RBFOX1: variants seen among roughly 807,000 people sequenced by gnomAD.
The protein encoded by RBFOX1 is RNA binding fox-1 homolog 1.
Under a neutral mutation model 57.7 loss-of-function variants are expected in RBFOX1, and 8 were observed. The ratio of observed to expected loss-of-function variants is 0.14; its 90% confidence interval spans 0.08 to 0.25. RBFOX1 has a LOEUF of 0.25. Among genes scored for constraint, RBFOX1 ranks in the 10% least tolerant of loss-of-function variants. The pLI, the probability that RBFOX1 is intolerant of heterozygous loss-of-function variation, is 1.00. For missense variants in RBFOX1, 611 were observed against 548.5 expected, an observed-to-expected ratio of 1.11 and a Z score of -1.14; for synonymous variants, 326 against 222.4, an observed-to-expected ratio of 1.47 and a Z score of -4.15.
At chr16:7,518,451 G>A in intron 5 of RBFOX1, 62 bp downstream of exon 5, 2 of 1,538,032 alleles carry the variant, frequency 1.3e-6, no homozygotes, top group Non-Finnish European at 1.8e-6. Flanking sequence ...CCCTGGTAAT[G>A]GCAGCGGGGG....
chr16:6,002,206 G>A (rs960343631), intron 4 of RBFOX1, among the ~76,000 whole-genome samples: 2 of 152,152 alleles, frequency 1.3e-5, no homozygotes, highest in South Asian at 2.1e-4. Flanking sequence ...CAAATTCCTG[G>A]ACTCAAATGA....
At chr16:6,887,560 CTT>C (rs141623429) in intron 3 of RBFOX1, among the ~76,000 whole-genome samples, 9 of 150,558 alleles carry the variant, frequency 6.0e-5, no homozygotes, top group African/African-American at 2.0e-4. Context: ...AACACATATA[CTT>C]TTTTTTTTCC....
At chr16:5,298,314 CT>C (rs897727147) in intron 1 of RBFOX1, among the ~76,000 whole-genome samples, 14 of 152,164 alleles carry the variant, frequency 9.2e-5, no homozygotes, top group African/African-American at 2.7e-4. Context: ...TAACAAGAGA[CT>C]GTATTTAATT....
At chr16:5,449,102 G>C (rs532470650) in intron 1 of RBFOX1, among the ~76,000 whole-genome samples, 1 of 152,098 alleles carries the variant, frequency 6.6e-6, no homozygotes, top group Non-Finnish European at 1.5e-5. Context: ...CACACTTCTA[G>C]CTCTGAATCC....
chr16:7,004,971 C>G (rs552831572), intron 3 of RBFOX1, among the ~76,000 whole-genome samples: 126 of 152,082 alleles, frequency 8.3e-4, no homozygotes, highest in Non-Finnish European at 1.6e-3. Flanking sequence ...TGGTGAAACC[C>G]CATTTCTACC....
At chr16:7,053,069 C>T (rs1311972494) in intron 4 of RBFOX1, among the ~76,000 whole-genome samples, 1 of 152,226 alleles carries the variant, frequency 6.6e-6, no homozygotes, top group East Asian at 1.9e-4. Flanking sequence ...TGCCTTCATA[C>T]ACTGCCCTGT....
chr16:6,351,340 GTGTGTGTGTGTGTATATA>G (rs1344723702), intron 2 of RBFOX1, among the ~76,000 whole-genome samples: 1 of 102,006 alleles, frequency 9.8e-6, no homozygotes, highest in Non-Finnish European at 1.8e-5. Flanking sequence ...GTGTGTGTGT[GTGTGTGTGTGTGTATATA>G]TATATATATA....
At chr16:7,214,814 AT>A (rs2091762261) in intron 4 of RBFOX1, among the ~76,000 whole-genome samples, 1 of 152,120 alleles carries the variant, frequency 6.6e-6, no homozygotes, top group African/African-American at 2.4e-5. Flanking sequence ...TGTTCCTCAC[AT>A]TTAATGTCTG....
intron 1 of RBFOX1, among the ~76,000 whole-genome samples, chr16:6,085,654 G>A (rs2096073297): frequency 1.3e-5 from 2 of 151,876 alleles, no homozygotes; most frequent in South Asian, 4.2e-4. Flanking sequence ...GTGTGTTTGT[G>A]TGTGTGTGTG....
At chr16:5,914,068 C>T (rs922905657) in intron 4 of RBFOX1, among the ~76,000 whole-genome samples, 2 of 152,198 alleles carry the variant, frequency 1.3e-5, no homozygotes, top group Non-Finnish European at 2.9e-5. Flanking sequence ...CATTAACCCA[C>T]AACTTTCATG....
chr16:5,884,923 A>G (rs564363468), intron 4 of RBFOX1, among the ~76,000 whole-genome samples: 1 of 151,886 alleles, frequency 6.6e-6, no homozygotes, highest in Non-Finnish European at 1.5e-5. Flanking sequence ...ATCTCTTTAG[A>G]CTCTCCTGGA....
At chr16:5,838,556 C>G (rs1348677609) in intron 3 of RBFOX1, 3 of 159,770 alleles carry the variant, frequency 1.9e-5, no homozygotes, top group African/African-American at 7.2e-5. Flanking sequence ...GGCTGCCCGT[C>G]CTCTTTGGTT....
chr16:7,086,921 C>G (rs1309173582), intron 4 of RBFOX1, among the ~76,000 whole-genome samples: 1 of 152,166 alleles, frequency 6.6e-6, no homozygotes, highest in African/African-American at 2.4e-5. Context: ...GGCCCATCCC[C>G]CGGCCCTCCT....
intron 4 of RBFOX1, among the ~76,000 whole-genome samples, chr16:7,127,856 C>G (rs1300532700): frequency 6.6e-6 from 1 of 152,172 alleles, no homozygotes; most frequent in Non-Finnish European, 1.5e-5. Context: ...CTTTATTAAG[C>G]AGCATATTAA....
chr16:7,102,630 G>A (rs1301281977), intron 4 of RBFOX1, among the ~76,000 whole-genome samples: 1 of 152,138 alleles, frequency 6.6e-6, no homozygotes. Context: ...TTGTCACCTT[G>A]AAATGCAAAA....
At chr16:5,517,895 A>G (rs962705289) in intron 2 of RBFOX1, among the ~76,000 whole-genome samples, 2 of 151,848 alleles carry the variant, frequency 1.3e-5, no homozygotes, top group Middle Eastern at 3.4e-3. Context: ...CATTTTACAT[A>G]TATATGTGTA....
intron 3 of RBFOX1, among the ~76,000 whole-genome samples, chr16:6,845,920 C>G (rs761093805): frequency 6.6e-6 from 1 of 152,172 alleles, no homozygotes; most frequent in Non-Finnish European, 1.5e-5. Flanking sequence ...CTTAAAAAGG[C>G]AAATCTCAAC....
chr16:6,647,477 C>T (rs904833918), intron 2 of RBFOX1, among the ~76,000 whole-genome samples: 7 of 152,070 alleles, frequency 4.6e-5, no homozygotes, highest in African/African-American at 1.4e-4. Flanking sequence ...TGAGCCCCTG[C>T]CCTCAAGTGA....
chr16:6,617,388 C>A lies in RBFOX1; in HGVS notation c.-63-37215C>A, dbSNP rs189317517. ...TTGTGTATCTAAAGGCATGGATGTC[C>A]AGCTAGGAATTATGACACTCATGCA... On this transcript the variant is annotated intron_variant, in intron 2 of 15. Transcript: ENST00000550418. 6.6e-4 allele frequency among the ~76,000 whole-genome samples: 101 copies of A among 152,068 alleles called. 1 individual carries two copies. The highest frequency in any genetic ancestry group is 2.2e-3 in the African/African-American group (93 of 41,486).
Sources: allele counts gnomAD v4.1 joint callset (sites outside exome capture counted in the v4.1 genomes callset), GRCh38; gene constraint gnomAD v4.1.1; transcripts MANE v1.5; gene names NCBI Gene and HGNC (gene_info 2026-07-23, HGNC 2026-07-21).